TMEM178B: variants seen among roughly 807,000 people sequenced by gnomAD.
TMEM178B encodes transmembrane protein 178B.
Under a neutral mutation model 31.0 loss-of-function variants are expected in TMEM178B, and 5 were observed. That is an observed-to-expected ratio of 0.16 (90% CI 0.08 to 0.34). The LOEUF is 0.34. Among genes scored for constraint, TMEM178B ranks in the 10% least tolerant of loss-of-function variants. The pLI, the probability that TMEM178B is intolerant of heterozygous loss-of-function variation, is 1.00. For synonymous variants in TMEM178B, 164 were observed against 164.0 expected (o/e 1.00, Z 0.00); for missense variants, 275 against 400.3 (o/e 0.69, Z 2.67).
chr7:141,320,889 C>T (rs940644014), intron 2 of TMEM178B, among the ~76,000 whole-genome samples: 6 of 152,144 alleles, frequency 3.9e-5, no homozygotes, highest in Non-Finnish European at 7.3e-5. Context: ...TCTTAAGCTC[C>T]AGGCTGTGGC....
At chr7:141,092,990 G>A (rs1022420380) in intron 1 of TMEM178B, among the ~76,000 whole-genome samples, 7 of 152,174 alleles carry the variant, frequency 4.6e-5, no homozygotes, top group African/African-American at 1.2e-4. Flanking sequence ...AGAATGAATG[G>A]GGCAGAGCAG....
chr7:141,100,844 G>A (rs1453822749), intron 1 of TMEM178B, among the ~76,000 whole-genome samples: 2 of 152,112 alleles, frequency 1.3e-5, no homozygotes, highest in African/African-American at 2.4e-5. Flanking sequence ...TCCGAAAGAG[G>A]CATTCCAAAT....
intron 2 of TMEM178B, among the ~76,000 whole-genome samples, chr7:141,264,715 G>T (rs1798066781): frequency 6.6e-6 from 1 of 152,198 alleles, no homozygotes; most frequent in South Asian, 2.1e-4. Context: ...CTGAGAGCTA[G>T]TCTTGCCAAA....
intron 2 of TMEM178B, among the ~76,000 whole-genome samples, chr7:141,423,837 C>T (rs568836982): frequency 1.7e-5 from 2 of 117,282 alleles, no homozygotes; most frequent in East Asian, 2.8e-4. Flanking sequence ...GAAATGGAGT[C>T]TTGCTCTGTC....
At position 141,075,024 on chromosome 7, in the gene TMEM178B, A is replaced by G. The variant is rs75282009; in HGVS notation, c.382+332A>G. Among the ~76,000 whole-genome samples the G allele has an allele frequency of 7.5e-3, 1,138 of 152,338 alleles. 23 individuals are homozygous for G. The East Asian group carries it at 0.088, about 12-fold the overall frequency. On this transcript the variant is annotated intron_variant, in intron 1 of 3. Coordinates refer to ENST00000565468, the MANE Select transcript of TMEM178B (RefSeq NM_001195278.2). ...TCTGGAACGTTGTTTGTGCTCTTAA[A>G]GGAAGCCCTTTAGGAGTCATGTGTC...
intron 3 of TMEM178B, among the ~76,000 whole-genome samples, chr7:141,446,120 T>C (rs1311007258): frequency 6.6e-6 from 1 of 152,180 alleles, no homozygotes; most frequent in African/African-American, 2.4e-5. Flanking sequence ...GTTTACCTAA[T>C]GTACCTCACG....
At chr7:141,143,944 A>G (rs1232296270) in intron 1 of TMEM178B, among the ~76,000 whole-genome samples, 2 of 152,010 alleles carry the variant, frequency 1.3e-5, no homozygotes, top group Admixed American at 6.6e-5. Context: ...CTTTGGTTAG[A>G]TGTATTCCTA....
intron 2 of TMEM178B, among the ~76,000 whole-genome samples, chr7:141,332,699 A>G (rs2116493093): frequency 6.6e-6 from 1 of 152,384 alleles, no homozygotes; most frequent in African/African-American, 2.4e-5. Flanking sequence ...AATGCAGATC[A>G]GTTTGTTTCC....
intron 1 of TMEM178B, among the ~76,000 whole-genome samples, chr7:141,178,831 C>T (rs946700561): frequency 2.0e-5 from 3 of 152,130 alleles, no homozygotes; most frequent in African/African-American, 4.8e-5. Flanking sequence ...TATAATTTTC[C>T]GTGGCCTCCA....
intron 1 of TMEM178B, among the ~76,000 whole-genome samples, chr7:141,099,815 A>C (rs930422415): frequency 6.8e-6 from 1 of 146,020 alleles, no homozygotes; most frequent in Non-Finnish European, 1.5e-5. Context: ...TGTGTCTGTA[A>C]AATGAAAACG....
chr7:141,471,622 T>G lies in TMEM178B; in HGVS notation c.*836T>G, dbSNP rs1036364856. 2 of 152,000 alleles carry G rather than the reference T, an allele frequency of 1.3e-5. No individual in the cohort carries two copies. Among genetic ancestry groups the G allele is most frequent in the Non-Finnish European group, 2.9e-5 (2 of 68,044 alleles). The allele number at this position is 152,000 out of a possible 1,614,324, so 9.4% of individuals were successfully genotyped here. On this transcript the variant is annotated 3_prime_UTR_variant, in exon 4 of 4. Transcript: ENST00000565468. This position sits in a 1 kb window ranked among gnomAD's most constrained non-coding sequence, Gnocchi z 4.1. ...GGTTTCCTTTTTTTCTTTTCTACCTTTTAAATGGAAATACTGCATTATGAC... is the reference window on the plus strand; with the variant it reads ...GGTTTCCTTTTTTTCTTTTCTACCTGTTAAATGGAAATACTGCATTATGAC...
chr7:141,369,106 A>G (rs1296184625), intron 2 of TMEM178B, among the ~76,000 whole-genome samples: 1 of 152,210 alleles, frequency 6.6e-6, no homozygotes, highest in Non-Finnish European at 1.5e-5. Context: ...ACATCCCTTC[A>G]GCCTCAACTG....
chr7:141,190,792 G>A (rs942058084), intron 1 of TMEM178B, among the ~76,000 whole-genome samples: 3 of 152,052 alleles, frequency 2.0e-5, no homozygotes, highest in African/African-American at 7.2e-5. Context: ...TCTCATTTTC[G>A]CAAACTCCCA....
At chr7:141,375,108 C>G (rs1800189975) in intron 2 of TMEM178B, among the ~76,000 whole-genome samples, 2 of 152,192 alleles carry the variant, frequency 1.3e-5, no homozygotes, top group South Asian at 4.1e-4. Context: ...ACAGTTCATC[C>G]TCTCACTTGA....
intron 2 of TMEM178B, among the ~76,000 whole-genome samples, chr7:141,333,371 C>G (rs1799329030): frequency 6.6e-6 from 1 of 152,178 alleles, no homozygotes; most frequent in South Asian, 2.1e-4. Context: ...TCAGCAATCT[C>G]TTATTTGGCT....
chr7:141,429,377 T>C (rs1388659641), intron 2 of TMEM178B, among the ~76,000 whole-genome samples: 2 of 150,902 alleles, frequency 1.3e-5, no homozygotes, highest in Non-Finnish European at 3.0e-5. Flanking sequence ...TAAAAAAGAA[T>C]GAAATCCTGC....
intron 1 of TMEM178B, among the ~76,000 whole-genome samples, chr7:141,089,044 A>G (rs1002539422): frequency 1.3e-5 from 2 of 152,238 alleles, no homozygotes; most frequent in Non-Finnish European, 2.9e-5. Context: ...ATATCCATGC[A>G]TTATGCAAAA....
chr7:141,188,885 C>T (rs928898666), intron 1 of TMEM178B, among the ~76,000 whole-genome samples: 1 of 152,218 alleles, frequency 6.6e-6, no homozygotes, highest in Non-Finnish European at 1.5e-5. Context: ...TGAAAAGAGC[C>T]AGCGTTATTC....
At chr7:141,352,955 A>G (rs1799760520) in intron 2 of TMEM178B, among the ~76,000 whole-genome samples, 1 of 152,194 alleles carries the variant, frequency 6.6e-6, no homozygotes, top group African/African-American at 2.4e-5. Context: ...ATAGAATACA[A>G]CTTCTCTTCT....
Sources: allele counts gnomAD v4.1 joint callset (sites outside exome capture counted in the v4.1 genomes callset), GRCh38; gene constraint gnomAD v4.1.1; non-coding constraint Gnocchi (gnomAD v3.1); transcripts MANE v1.5; gene names NCBI Gene and HGNC (gene_info 2026-07-23, HGNC 2026-07-21).